The following SIPA1L2 variants were observed in gnomAD, a reference collection of about 807,000 sequenced individuals.
SIPA1L2 encodes the protein signal-induced proliferation-associated 1-like protein 2.
Under a neutral mutation model 163.9 loss-of-function variants are expected in SIPA1L2, and 56 were observed. That is an observed-to-expected ratio of 0.34 (90% CI 0.28 to 0.43). The LOEUF is 0.43. Among genes scored for constraint, SIPA1L2 ranks in the 20% least tolerant of loss-of-function variants. SIPA1L2 has a pLI of 1.00. For missense variants in SIPA1L2, 1,974 were observed against 2,193.5 expected (o/e 0.90, Z 2.00); for synonymous variants, 877 against 865.7 (o/e 1.01, Z -0.23).
chr1:232,604,654 C>T (rs936281182), intron 1 of SIPA1L2, among the ~76,000 whole-genome samples: 1 of 152,154 alleles, frequency 6.6e-6, no homozygotes, highest in Non-Finnish European at 1.5e-5. Context: ...ACCCAAATCT[C>T]ATGTTGAATT....
intron 10 of SIPA1L2, among the ~76,000 whole-genome samples, chr1:232,454,123 G>A (rs1055847855): frequency 6.6e-6 from 1 of 152,092 alleles, no homozygotes; most frequent in Non-Finnish European, 1.5e-5. Context: ...TTACTGTAAA[G>A]GTTAGGGCAG....
chr1:232,598,436 G>A (rs1250757587), intron 1 of SIPA1L2, among the ~76,000 whole-genome samples: 1 of 152,156 alleles, frequency 6.6e-6, no homozygotes, highest in Admixed American at 6.5e-5. Flanking sequence ...ATGACAGCTT[G>A]TAGCTAACTC....
chr1:232,543,968 G>T lies in SIPA1L2; in HGVS notation c.-269-28360C>A, dbSNP rs546511435. ...TAGTAAATTTTGGAGGGAGGGGGTT[G>T]GTGCCCCTAACTCTCACATTGTTCA... is the stretch of plus-strand genomic sequence containing the variant. On this transcript the variant is annotated intron_variant, in intron 2 of 22. Coordinates refer to ENST00000674635, the MANE Select transcript of SIPA1L2 (RefSeq NM_020808.5). 3.5e-4 allele frequency among the ~76,000 whole-genome samples: 53 copies of T among 152,300 alleles called. No individual in the cohort carries two copies. The South Asian group carries it at 5.0e-3, about 14-fold the overall frequency.
At chr1:232,525,582 T>C (rs1667665640) in intron 2 of SIPA1L2, among the ~76,000 whole-genome samples, 1 of 152,044 alleles carries the variant, frequency 6.6e-6, no homozygotes, top group Non-Finnish European at 1.5e-5. Context: ...CAAATATATT[T>C]TCACAGGCCT....
chr1:232,532,744 CTATA>C (rs1657042122), intron 2 of SIPA1L2, among the ~76,000 whole-genome samples: 1 of 152,190 alleles, frequency 6.6e-6, no homozygotes, highest in African/African-American at 2.4e-5. Context: ...GGCTTAGCTG[CTATA>C]TGACCCAATC....
In SIPA1L2 at chr1:232,403,495, G is replaced by A; in HGVS notation, c.4893C>T (p.Pro1631=). The change falls in exon 21 of 23, where the codon CCC becomes CCT. Residue 1631 remains proline, a synonymous_variant. Coordinates refer to ENST00000674635, the MANE Select transcript of SIPA1L2 (RefSeq NM_020808.5). ...GQDLEGAQEL[P]LCVDPGSGKE... ...TGCCACTGCCTGGATCTACACATAA[G>A]GGCAGCTCTTGGGCCCCTTCCAGGT... 1 of 1,614,062 alleles carries A rather than the reference G, an allele frequency of 6.2e-7. No individual in the cohort carries two copies. The highest frequency in any genetic ancestry group is 1.6e-4 in the Middle Eastern group (1 of 6,062).
intron 1 of SIPA1L2, among the ~76,000 whole-genome samples, chr1:232,611,829 C>T (rs940951377): frequency 2.6e-5 from 4 of 152,166 alleles, no homozygotes; most frequent in African/African-American, 9.7e-5. Flanking sequence ...AAGAAATGTG[C>T]ATAAATAATG....
intron 1 of SIPA1L2, among the ~76,000 whole-genome samples, chr1:232,618,454 G>T (rs983708297): frequency 2.0e-5 from 3 of 152,136 alleles, no homozygotes; most frequent in Non-Finnish European, 4.4e-5. Flanking sequence ...AGGAGTTCGA[G>T]ACCAGCCTGA....
chr1:232,514,257 T>A lies in SIPA1L2; in HGVS notation c.1083A>T (p.Ala361=), dbSNP rs148188559. 2.4e-5 allele frequency: 39 copies of A among 1,614,198 alleles called. No individual in the cohort carries two copies. The African/African-American group carries it at 4.5e-4, about 19-fold the overall frequency. Residue 361 remains alanine, a synonymous_variant, in exon 3 of 23, where the codon GCA becomes GCT. Coordinates refer to ENST00000674635, the MANE Select transcript of SIPA1L2 (RefSeq NM_020808.5). The part of the protein sequence containing the change: ...VGKRKNITTG[A]SAASQTQMPT... ...GCATCTGAGTCTGGGATGCTGCAGATGCCCCAGTGGTTATGTTTTTCCTTT... is the reference window on the plus strand; with the variant it reads ...GCATCTGAGTCTGGGATGCTGCAGAAGCCCCAGTGGTTATGTTTTTCCTTT...
chr1:232,403,310 T>C (rs1479493656), intron 21 of SIPA1L2, 138 bp downstream of exon 21: 24 of 1,147,620 alleles, frequency 2.1e-5, no homozygotes, highest in Non-Finnish European at 2.7e-5. Context: ...ACTCAGTCCC[T>C]TCTCTGGATT....
intron 17 of SIPA1L2, among the ~76,000 whole-genome samples, chr1:232,426,782 G>T (rs1661931766): frequency 6.6e-6 from 1 of 152,108 alleles, no homozygotes; most frequent in Admixed American, 6.5e-5. Flanking sequence ...TTACAGATAG[G>T]GTAAGGAAAA....
chr1:232,415,426 G>A, intron 19 of SIPA1L2, 68 bp downstream of exon 19: 1 of 1,509,738 alleles, frequency 6.6e-7, no homozygotes, highest in South Asian at 1.4e-5. Flanking sequence ...CCCCTAAGAT[G>A]CCGCACAGGC....
rs149401319 is a variant in SIPA1L2, at chr1:232,451,195, A to G, written c.3096-5409T>C. 9.2e-5 allele frequency among the ~76,000 whole-genome samples: 14 copies of G among 152,350 alleles called. No homozygotes were observed. The East Asian group carries it at 2.5e-3, about 27-fold the overall frequency. On this transcript the variant is annotated intron_variant, in intron 10 of 22. Coordinates refer to ENST00000674635, the MANE Select transcript of SIPA1L2 (RefSeq NM_020808.5). Reference sequence around the variant, plus strand: ...TCAAACTCAGTTCCGTTCCATATATATGAGAAATTCCTTAAAGGATGCATA... The same window carrying G: ...TCAAACTCAGTTCCGTTCCATATATGTGAGAAATTCCTTAAAGGATGCATA...
intron 19 of SIPA1L2, among the ~76,000 whole-genome samples, chr1:232,404,461 G>T (rs1419676066): frequency 6.6e-6 from 1 of 152,128 alleles, no homozygotes; most frequent in African/African-American, 2.4e-5. Context: ...TTACTTAAAT[G>T]ACTCACTCCA....
intron 10 of SIPA1L2, among the ~76,000 whole-genome samples, chr1:232,452,994 G>A (rs998689102): frequency 6.6e-5 from 10 of 152,068 alleles, no homozygotes; most frequent in Non-Finnish European, 1.5e-4. Flanking sequence ...ACATTAAACT[G>A]CAAAAGGCAC....
chr1:232,613,531 C>G (rs542102947), intron 1 of SIPA1L2, among the ~76,000 whole-genome samples: 1 of 152,118 alleles, frequency 6.6e-6, no homozygotes, highest in Non-Finnish European at 1.5e-5. Context: ...GTATCCAACA[C>G]GGAACTGTCT....
rs890059746 is a variant in SIPA1L2 at position 232,488,041 on chromosome 1, C to T, written c.1806+2833G>A. ...CGATCTTGGCTCACTGCAACCTCTG[C>T]CTCCCGGTTCAAGTGATTCTCCTGC... On this transcript the variant is annotated intron_variant, in intron 5 of 22. Coordinates refer to ENST00000674635, the MANE Select transcript of SIPA1L2 (RefSeq NM_020808.5). Among the ~76,000 whole-genome samples the T allele has an allele frequency of 6.6e-5, 10 of 152,014 alleles. No homozygotes were observed. In the East Asian group the frequency reaches 1.4e-3, roughly 21 times the overall value.
chr1:232,567,341 T>C (rs1446274178), intron 2 of SIPA1L2, among the ~76,000 whole-genome samples: 1 of 152,184 alleles, frequency 6.6e-6, no homozygotes, highest in Admixed American at 6.5e-5. Flanking sequence ...AATGAGAGAC[T>C]GCATCTGTCA....
intron 7 of SIPA1L2, among the ~76,000 whole-genome samples, chr1:232,474,475 G>GT (rs1389269985): frequency 6.6e-6 from 1 of 152,128 alleles, no homozygotes; most frequent in East Asian, 1.9e-4. Flanking sequence ...AAACAAACCA[G>GT]TATCTCACAA....
Sources: allele counts gnomAD v4.1 joint callset (sites outside exome capture counted in the v4.1 genomes callset), GRCh38; gene constraint gnomAD v4.1.1; transcripts MANE v1.5; gene names NCBI Gene and HGNC (gene_info 2026-07-23, HGNC 2026-07-21).